Variants in FAM135B observed in about 807,000 individuals in gnomAD.
The protein encoded by FAM135B is family with sequence similarity 135 member B, also known as protein FAM135B.
In FAM135B, 43 loss-of-function variants were observed where a neutral mutation model predicts 127.7. The observed-to-expected ratio is 0.34, with a 90% CI of 0.26 to 0.43. The LOEUF (loss-of-function observed/expected upper bound fraction) is 0.43. Among genes scored for constraint, FAM135B ranks in the 20% least tolerant of loss-of-function variants. The pLI is 1.00. For synonymous variants in FAM135B, 670 were observed against 665.1 expected (o/e 1.01, Z -0.11); for missense variants, 1,558 against 1,725.6 (o/e 0.90, Z 1.72).
chr8:138,458,601 C>T (rs1251687068), intron 1 of FAM135B, among the ~76,000 whole-genome samples: 1 of 152,162 alleles, frequency 6.6e-6, no homozygotes, highest in Non-Finnish European at 1.5e-5. Flanking sequence ...AATCTACTAT[C>T]ACTCTGGCCC....
rs1057 is a variant in FAM135B at position 138,171,519 on chromosome 8, T to C, written c.1104-3470A>G. On this transcript the variant is annotated intron_variant, in intron 11 of 19. Transcript: ENST00000395297. The stretch of plus-strand genomic sequence containing the variant: ...CAACACATGCTGTTTTGTTCAATGA[T>C]GCATATCCCAAGTGCCTTAGACAAT... Among the ~76,000 whole-genome samples the C allele has an allele frequency of 9.1e-3, 1,390 of 152,372 alleles. 13 individuals carry two copies. The highest frequency in any genetic ancestry group is 0.014 in the Non-Finnish European group (964 of 68,036).
At chr8:138,360,928 CTTT>C (rs5895517) in intron 2 of FAM135B, among the ~76,000 whole-genome samples, 8 of 140,734 alleles carry the variant, frequency 5.7e-5, no homozygotes, top group Admixed American at 7.1e-5. Flanking sequence ...TCCATTTCTT[CTTT>C]TTTTTTTTTT....
chr8:138,357,350 G>T (rs1178408649), intron 2 of FAM135B, among the ~76,000 whole-genome samples: 1 of 152,062 alleles, frequency 6.6e-6, no homozygotes, highest in Non-Finnish European at 1.5e-5. Flanking sequence ...ATTCTGTGTA[G>T]TTATTAATTA....
chr8:138,342,014 G>A (rs1045355180), intron 2 of FAM135B, among the ~76,000 whole-genome samples: 4 of 152,190 alleles, frequency 2.6e-5, no homozygotes, highest in Admixed American at 1.3e-4. Context: ...CAGCAGATAC[G>A]AAAAGCACTC....
intron 1 of FAM135B, among the ~76,000 whole-genome samples, chr8:138,489,976 T>A (rs576046625): frequency 6.6e-6 from 1 of 152,202 alleles, no homozygotes; most frequent in Admixed American, 6.5e-5. Flanking sequence ...TGCCACTGTA[T>A]ATTATAACTG....
At chr8:138,274,210 A>G (rs1257241060) in intron 3 of FAM135B, among the ~76,000 whole-genome samples, 1 of 151,988 alleles carries the variant, frequency 6.6e-6, no homozygotes, top group Non-Finnish European at 1.5e-5. Context: ...GTTCTTTTCT[A>G]TTTTCCTTAA....
At chr8:138,165,274 C>T (rs922173952) in intron 12 of FAM135B, among the ~76,000 whole-genome samples, 6 of 151,994 alleles carry the variant, frequency 3.9e-5, no homozygotes, top group African/African-American at 1.4e-4. Flanking sequence ...GCATGTGCCA[C>T]CACACACGGC....
At chr8:138,207,785 G>T (rs1450560837) in intron 7 of FAM135B, among the ~76,000 whole-genome samples, 2 of 152,172 alleles carry the variant, frequency 1.3e-5, no homozygotes, top group Non-Finnish European at 2.9e-5. Flanking sequence ...ATAAGAAACA[G>T]GTCTGCCTTG....
Position 138,178,625 on chromosome 8 carries a change from G to T in FAM135B, c.939C>A (p.His313Gln). ...GGAACTGGGTCCACAGAGTCATCAT[G>T]TGGGACGTGAGCCAGGCCAGATCCT... The part of the protein sequence containing the change: ...ISKDLAWLTS[H>Q]MMTLWTQFLD... Residue 313 changes from histidine to glutamine, a missense_variant, in exon 10 of 20, where the codon CAC (histidine) becomes CAA (glutamine). His to Gln is a conservative substitution (Grantham distance 24). Coordinates refer to ENST00000395297, the MANE Select transcript of FAM135B (RefSeq NM_015912.4). The T allele has an allele frequency of 6.2e-7, 1 of 1,614,144 alleles. No homozygotes were observed. The highest frequency in any genetic ancestry group is 1.1e-5 in the South Asian group (1 of 91,088).
chr8:138,476,057 G>T (rs1814413817), intron 1 of FAM135B, among the ~76,000 whole-genome samples: 1 of 152,130 alleles, frequency 6.6e-6, no homozygotes, highest in African/African-American at 2.4e-5. Context: ...ATGGAGCCAT[G>T]GAAAGACATG....
chr8:138,488,446 C>T (rs975519222), intron 1 of FAM135B, among the ~76,000 whole-genome samples: 2 of 150,032 alleles, frequency 1.3e-5, no homozygotes, highest in Non-Finnish European at 3.0e-5. Flanking sequence ...AAAAAGCAAG[C>T]TTGGTGGCTA....
chr8:138,402,083 A>C (rs1323314850), intron 1 of FAM135B, among the ~76,000 whole-genome samples: 2 of 152,054 alleles, frequency 1.3e-5, no homozygotes, highest in East Asian at 3.9e-4. Context: ...CTGGTGCTGA[A>C]GTTCCACGGG....
intron 2 of FAM135B, among the ~76,000 whole-genome samples, chr8:138,320,326 C>A (rs1436087423): frequency 6.6e-6 from 1 of 152,174 alleles, no homozygotes; most frequent in African/African-American, 2.4e-5. Context: ...AATTTGCCCA[C>A]AGTCACATAG....
At chr8:138,134,777 A>G (rs1274410195) in intron 19 of FAM135B, among the ~76,000 whole-genome samples, 1 of 152,188 alleles carries the variant, frequency 6.6e-6, no homozygotes, top group Non-Finnish European at 1.5e-5. Flanking sequence ...CACTTCTTTG[A>G]TGTCCGTGTA....
chr8:138,195,549 G>A (rs4634696), intron 8 of FAM135B, among the ~76,000 whole-genome samples: 38,749 of 151,762 alleles, frequency 0.26, 6,331 homozygotes, highest in African/African-American at 0.44. Flanking sequence ...TCATGCACAC[G>A]GTTATGAGAA....
At chr8:138,359,437 T>G (rs1198073674) in intron 2 of FAM135B, among the ~76,000 whole-genome samples, 1 of 152,178 alleles carries the variant, frequency 6.6e-6, no homozygotes, top group African/African-American at 2.4e-5. Flanking sequence ...CCATTCATCA[T>G]GGTGGACACT....
chr8:138,390,682 TC>T (rs1199433175), intron 1 of FAM135B, among the ~76,000 whole-genome samples: 20 of 152,146 alleles, frequency 1.3e-4, no homozygotes, highest in African/African-American at 4.3e-4. Flanking sequence ...AATGAAGAAA[TC>T]AGCCATTCAC....
At chr8:138,360,247 T>C (rs1337701407) in intron 2 of FAM135B, among the ~76,000 whole-genome samples, 16 of 152,242 alleles carry the variant, frequency 1.1e-4, no homozygotes, top group Non-Finnish European at 2.4e-4. Flanking sequence ...CAGCTAACAA[T>C]ATTAGAAATG....
chr8:138,430,295 T>G (rs555985654), intron 1 of FAM135B, among the ~76,000 whole-genome samples: 26 of 152,304 alleles, frequency 1.7e-4, no homozygotes, highest in East Asian at 5.8e-4. Flanking sequence ...GTAAGATGCT[T>G]GGTATATGCT....
Sources: gnomAD v4.1 joint callset for allele counts (sites outside exome capture counted in the v4.1 genomes callset) on GRCh38, gnomAD v4.1.1 for gene constraint, MANE v1.5 for transcripts, NCBI Gene and HGNC (gene_info 2026-07-23, HGNC 2026-07-21) for gene names.